Variants in MAN1C1 observed in about 807,000 individuals in gnomAD.
The protein encoded by MAN1C1 is mannosyl-oligosaccharide 1,2-alpha-mannosidase IC.
A neutral mutation model predicts 71.5 loss-of-function variants in MAN1C1; 49 were observed. That is an observed-to-expected ratio of 0.69 (90% CI 0.54 to 0.87). The LOEUF (loss-of-function observed/expected upper bound fraction) is 0.87, where lower values mean the gene tolerates loss of function less well. MAN1C1 is among the 40% of genes least tolerant of loss of function. The probability of loss-of-function intolerance (pLI) is 0.00; values close to 1 mark genes in which losing one functional copy is unlikely to be tolerated. For synonymous variants in MAN1C1, 352 were observed against 343.7 expected (o/e 1.02, Z -0.27); for missense variants, 743 against 835.0 (o/e 0.89, Z 1.36).
At chr1:25,752,910 C>G (rs1003331371) in intron 4 of MAN1C1, among the ~76,000 whole-genome samples, 1 of 152,234 alleles carries the variant, frequency 6.6e-6, no homozygotes, top group African/African-American at 2.4e-5. Context: ...GGGAAACTGT[C>G]GCCCAGGAGG....
rs749652467 is a variant in MAN1C1 at position 25,618,033 on chromosome 1, A to G, written c.236A>G (p.Glu79Gly). ...GGCCATGCCCCGGCCCGCGAGCAGG[A>G]GCCGCCTCCCAACCCGGCCCCCGCC... Reference protein sequence around the residue: ...IAGHAPAREQEPPPNPAPAAP... With the variant: ...IAGHAPAREQGPPPNPAPAAP... Residue 79 changes from glutamate (E) to glycine (G), a missense_variant, in exon 1 of 12, where the codon GAG (glutamate) becomes GGG (glycine). Coordinates refer to ENST00000374332, the MANE Select transcript of MAN1C1 (RefSeq NM_020379.4). 6.3e-7 allele frequency: 1 copy of G among 1,590,264 alleles called. No homozygotes were observed. The highest frequency in any genetic ancestry group is 2.3e-5 in the East Asian group (1 of 42,576).
chr1:25,780,164 G>T (rs1451331528), intron 9 of MAN1C1, among the ~76,000 whole-genome samples: 5 of 152,190 alleles, frequency 3.3e-5, no homozygotes, highest in Admixed American at 1.3e-4. Flanking sequence ...CCTTACTAAA[G>T]AAACATTTTT....
chr1:25,726,893 TAAA>T (rs530911352), intron 2 of MAN1C1, among the ~76,000 whole-genome samples: 1 of 127,232 alleles, frequency 7.9e-6, no homozygotes, highest in African/African-American at 2.9e-5. Context: ...TCATCTCTAT[TAAA>T]AAAAAAAAAA....
chr1:25,771,015 G>C (rs1222430198), intron 7 of MAN1C1, among the ~76,000 whole-genome samples: 1 of 152,204 alleles, frequency 6.6e-6, no homozygotes, highest in South Asian at 2.1e-4. Context: ...TGGGTGGAGA[G>C]ACCTCTGGTT....
chr1:25,678,307 A>T (rs1305550721), intron 1 of MAN1C1, among the ~76,000 whole-genome samples: 1 of 152,238 alleles, frequency 6.6e-6, no homozygotes, highest in Non-Finnish European at 1.5e-5. Flanking sequence ...TTGCATAATT[A>T]TTTCCAAATG....
At position 25,764,807 on chromosome 1, in the gene MAN1C1, C is replaced by T. The variant is rs1176548800; in HGVS notation, c.1141+840C>T. Among the ~76,000 whole-genome samples, 2 of 151,996 alleles carry T rather than the reference C, an allele frequency of 1.3e-5. No homozygotes were observed. The highest frequency in any genetic ancestry group is 6.6e-5 in the Admixed American group (1 of 15,266). On this transcript the variant is annotated intron_variant, in intron 7 of 11. Coordinates refer to ENST00000374332, the MANE Select transcript of MAN1C1 (RefSeq NM_020379.4). This position sits in a 1 kb window ranked among gnomAD's most constrained non-coding sequence, Gnocchi z 4.4. Reference sequence around the variant, plus strand: ...TCATGAATTCAGGCCAAGCACCTGACGGGAGGCCGAGGCAGGCGGATCACG... The same window carrying T: ...TCATGAATTCAGGCCAAGCACCTGATGGGAGGCCGAGGCAGGCGGATCACG...
intron 1 of MAN1C1, among the ~76,000 whole-genome samples, chr1:25,665,443 T>C (rs1308240216): frequency 6.6e-6 from 1 of 152,200 alleles, no homozygotes. Context: ...CCAGAATAGT[T>C]CTTACACGAT....
chr1:25,701,805 A>G (rs140928234), intron 2 of MAN1C1, among the ~76,000 whole-genome samples: 1,544 of 152,336 alleles, frequency 0.01, 16 homozygotes, highest in African/African-American at 0.034. Context: ...CACGCCTGCA[A>G]TCCCGGCACT....
intron 7 of MAN1C1, among the ~76,000 whole-genome samples, chr1:25,770,232 C>T (rs1267460854): frequency 6.6e-6 from 1 of 152,198 alleles, no homozygotes; most frequent in Non-Finnish European, 1.5e-5. Context: ...CAGCCCTTTC[C>T]AGCTCCTCCC....
intron 2 of MAN1C1, among the ~76,000 whole-genome samples, chr1:25,740,720 G>A (rs1229099772): frequency 6.6e-6 from 1 of 152,172 alleles, no homozygotes; most frequent in African/African-American, 2.4e-5. Flanking sequence ...ACAGGCGTGA[G>A]CCACCGCGCC....
At chr1:25,706,949 C>CT (rs2046531864) in intron 2 of MAN1C1, among the ~76,000 whole-genome samples, 1 of 152,214 alleles carries the variant, frequency 6.6e-6, no homozygotes, top group Non-Finnish European at 1.5e-5. Flanking sequence ...GCAGCAGGGG[C>CT]TGTAGGATTC....
At chr1:25,780,838 T>A in intron 9 of MAN1C1, 102 bp from the exon 10 acceptor site, 2 of 1,282,950 alleles carry the variant, frequency 1.6e-6, no homozygotes, top group East Asian at 4.6e-5. Flanking sequence ...ACACCTGACA[T>A]CACCCTGGCC....
At chr1:25,733,649 G>A (rs1317755214) in intron 2 of MAN1C1, among the ~76,000 whole-genome samples, 1 of 152,074 alleles carries the variant, frequency 6.6e-6, no homozygotes, top group Non-Finnish European at 1.5e-5. Context: ...AGGCTCCAGT[G>A]CCAGGCACAC....
In MAN1C1 at chr1:25,746,688, G is replaced by C. The variant is rs1318400753; in HGVS notation, c.658G>C (p.Val220Leu). Residue 220 changes from valine to leucine, a missense_variant, in exon 3 of 12, where the codon GTC becomes CTC. Val to Leu is a conservative substitution (Grantham distance 32, BLOSUM62 1). Transcript: ENST00000374332. This position sits in a 1 kb window ranked among gnomAD's most constrained non-coding sequence, Gnocchi z 4.0. Reference sequence around the variant, plus strand: ...TGCAGGAGGCCTCAGCGGGGCAACAGTCATTGACTCCCTCGATACCCTCTA... The same window carrying C: ...TGCAGGAGGCCTCAGCGGGGCAACACTCATTGACTCCCTCGATACCCTCTA... ...NMFGGLSGAT[V>L]IDSLDTLYLM... is the part of the protein sequence containing the mutation. 6.2e-7 allele frequency: 1 copy of C among 1,613,940 alleles called. No individual in the cohort carries two copies.
intron 6 of MAN1C1, chr1:25,758,921 A>C: frequency 1.8e-6 from 1 of 559,072 alleles, no homozygotes. Context: ...AGTCAATAAG[A>C]TTCTACAGAG....
intron 2 of MAN1C1, among the ~76,000 whole-genome samples, chr1:25,726,090 C>A (rs2046827493): frequency 6.6e-6 from 1 of 152,238 alleles, no homozygotes; most frequent in South Asian, 2.1e-4. Flanking sequence ...GACTGTAGCC[C>A]CTCTCCTGCA....
intron 2 of MAN1C1, among the ~76,000 whole-genome samples, chr1:25,696,241 G>A (rs2046367926): frequency 6.6e-6 from 1 of 152,166 alleles, no homozygotes; most frequent in African/African-American, 2.4e-5. Flanking sequence ...AGCAAACCCT[G>A]TGACAAATAG....
At chr1:25,696,089 T>A (rs1009559249) in intron 2 of MAN1C1, among the ~76,000 whole-genome samples, 3 of 152,232 alleles carry the variant, frequency 2.0e-5, no homozygotes, top group Non-Finnish European at 4.4e-5. Flanking sequence ...ATGATTCATA[T>A]TGAAATTGAC....
Position 25,783,993 on chromosome 1 carries a change from G to A in MAN1C1, c.*204G>A, listed in dbSNP as rs2047734253. On this transcript the variant is annotated 3_prime_UTR_variant, in exon 12 of 12. Coordinates refer to ENST00000374332, the MANE Select transcript of MAN1C1 (RefSeq NM_020379.4). The stretch of plus-strand genomic sequence containing the variant: ...GTCAGGCCAGGGCCATGGCCACACT[G>A]GCCCACACATTCCTTTCTACAGAGA... 13 of 584,442 alleles carry A rather than the reference G, an allele frequency of 2.2e-5. 1 individual carries two copies. In the East Asian group the frequency reaches 3.9e-4, roughly 17 times the overall value. 36.2% of individuals were successfully genotyped at this position (584,442 alleles called of 1,614,324 possible).
Sources: gnomAD v4.1 joint callset for allele counts (sites outside exome capture counted in the v4.1 genomes callset) on GRCh38, gnomAD v4.1.1 for gene constraint, Gnocchi (gnomAD v3.1) non-coding constraint, MANE v1.5 for transcripts, NCBI Gene and HGNC (gene_info 2026-07-23, HGNC 2026-07-21) for gene names.